SNX29: variants seen among roughly 807,000 people sequenced by gnomAD.
SNX29 encodes sorting nexin 29.
Under a neutral mutation model 102.1 loss-of-function variants are expected in SNX29, and 78 were observed. The observed-to-expected ratio is 0.76, with a 90% CI of 0.64 to 0.92. SNX29 has a LOEUF of 0.92. Ranked by LOEUF, SNX29 falls within the 40% of genes least tolerant of loss-of-function variation. SNX29 has a pLI of 0.00. For missense variants in SNX29, 1,280 were observed against 1,061.7 expected (o/e 1.21, Z -2.86); for synonymous variants, 580 against 414.5 (o/e 1.40, Z -4.85).
chr16:12,489,072 A>G (rs940665797), intron 19 of SNX29, among the ~76,000 whole-genome samples: 11 of 152,272 alleles, frequency 7.2e-5, no homozygotes, highest in African/African-American at 2.2e-4. Context: ...CCCGTATTCT[A>G]TCTGCTTTTG....
chr16:12,271,341 A>C (rs1321527739), intron 14 of SNX29, among the ~76,000 whole-genome samples: 1 of 152,234 alleles, frequency 6.6e-6, no homozygotes, highest in African/African-American at 2.4e-5. Flanking sequence ...GGCTGCGTGC[A>C]TCAGTTCCTT....
At chr16:12,110,211 C>G (rs570606762) in intron 11 of SNX29, among the ~76,000 whole-genome samples, 2 of 152,050 alleles carry the variant, frequency 1.3e-5, no homozygotes, top group Non-Finnish European at 2.9e-5. Context: ...TTCCTGCATC[C>G]CTGCTTGGAG....
rs1306003650 is a variant in SNX29 at position 12,572,673 on chromosome 16, C to T, written c.*4044C>T. On this transcript the variant is annotated 3_prime_UTR_variant, in exon 21 of 21. Transcript: ENST00000566228. ...GCTCCTGTGTGAGCTGCAGCACCCA[C>T]ACGGGGGAAGCCCTGCACTCCAGCA... 66 of 1,063,724 alleles carry T rather than the reference C, an allele frequency of 6.2e-5. No individual in the cohort carries two copies. The highest frequency in any genetic ancestry group is 7.3e-5 in the Non-Finnish European group (64 of 878,304). 65.9% of individuals were successfully genotyped at this position (1,063,724 alleles called of 1,614,324 possible).
intron 7 of SNX29, among the ~76,000 whole-genome samples, chr16:12,050,010 A>G (rs2050239974): frequency 6.6e-6 from 1 of 152,236 alleles, no homozygotes; most frequent in African/African-American, 2.4e-5. Flanking sequence ...ATTCATGGTG[A>G]AAGTGTAGAG....
intron 20 of SNX29, among the ~76,000 whole-genome samples, chr16:12,565,692 G>T (rs150648520): frequency 1.3e-5 from 2 of 151,882 alleles, no homozygotes; most frequent in African/African-American, 4.9e-5. Context: ...TGCCTTCCAG[G>T]AAGGGGAAGC....
At chr16:12,061,388 C>T (rs372567892) in intron 8 of SNX29, 140 bp from the exon 9 acceptor site, 22 of 657,458 alleles carry the variant, frequency 3.3e-5, no homozygotes, top group African/African-American at 2.5e-4. Context: ...CACGCTCTAC[C>T]TCCCAGCCCA....
chr16:11,987,994 C>T (rs1416177427), intron 1 of SNX29, among the ~76,000 whole-genome samples: 1 of 152,124 alleles, frequency 6.6e-6, no homozygotes, highest in Non-Finnish European at 1.5e-5. Context: ...GGGAATTTCA[C>T]TTTAAATGTT....
At chr16:12,542,817 A>T (rs556218429) in intron 20 of SNX29, among the ~76,000 whole-genome samples, 1 of 151,960 alleles carries the variant, frequency 6.6e-6, no homozygotes, top group Non-Finnish European at 1.5e-5. Flanking sequence ...AAGTTAAAGC[A>T]TCCTGTAAGG....
intron 1 of SNX29, among the ~76,000 whole-genome samples, chr16:11,992,478 C>G (rs775937766): frequency 1.3e-5 from 2 of 152,116 alleles, no homozygotes; most frequent in Non-Finnish European, 2.9e-5. Context: ...CTCCCCATCC[C>G]CCTACCACCC....
At chr16:12,377,436 T>C (rs1298128522) in intron 16 of SNX29, among the ~76,000 whole-genome samples, 1 of 152,154 alleles carries the variant, frequency 6.6e-6, no homozygotes, top group Non-Finnish European at 1.5e-5. Context: ...ACCCAGAAAT[T>C]ACATGTCACA....
At chr16:12,421,344 G>A (rs1186244470) in intron 18 of SNX29, among the ~76,000 whole-genome samples, 1 of 152,190 alleles carries the variant, frequency 6.6e-6, no homozygotes, top group African/African-American at 2.4e-5. Context: ...ATTTAGCCAG[G>A]GAGAGAGTAA....
At chr16:12,028,900 C>G (rs2057265211) in intron 4 of SNX29, among the ~76,000 whole-genome samples, 1 of 151,850 alleles carries the variant, frequency 6.6e-6, no homozygotes, top group Non-Finnish European at 1.5e-5. Flanking sequence ...AGGTGCCCAC[C>G]ACCATGCCTG....
chr16:12,048,254 C>G, intron 6 of SNX29, 118 bp from the exon 7 acceptor site: 3 of 1,445,714 alleles, frequency 2.1e-6, no homozygotes, highest in Non-Finnish European at 9.7e-7. Context: ...TATTTTTATA[C>G]CTATTTAAGA....
At chr16:12,396,923 T>C (rs1405989625) in intron 16 of SNX29, among the ~76,000 whole-genome samples, 1 of 152,248 alleles carries the variant, frequency 6.6e-6, no homozygotes, top group Admixed American at 6.5e-5. Context: ...CTTTATTTTT[T>C]TGAAACAGGG....
chr16:12,142,755 G>T (rs950169114), intron 13 of SNX29, among the ~76,000 whole-genome samples: 1 of 151,872 alleles, frequency 6.6e-6, no homozygotes, highest in African/African-American at 2.4e-5. Context: ...TAGTAGAGAC[G>T]GGGTTTCATG....
chr16:12,564,401 C>T (rs908545850), intron 20 of SNX29, among the ~76,000 whole-genome samples: 6 of 151,968 alleles, frequency 3.9e-5, no homozygotes, highest in South Asian at 2.1e-4. Context: ...AAATATGCAT[C>T]AATGATGTAT....
chr16:12,265,803 C>G (rs1328656473), intron 14 of SNX29, among the ~76,000 whole-genome samples: 87 of 151,242 alleles, frequency 5.8e-4, no homozygotes, highest in African/African-American at 2.4e-5. Flanking sequence ...GGTGGAGGAT[C>G]ACCTGAGCCT....
At chr16:12,390,149 G>GGGGGGTGTGTGT (rs55953631) in intron 16 of SNX29, among the ~76,000 whole-genome samples, 1 of 145,588 alleles carries the variant, frequency 6.9e-6, no homozygotes, top group African/African-American at 2.5e-5. Flanking sequence ...GCAATTGAGG[G>GGGGGGTGTGTGT]GTGTGTGTGT....
intron 20 of SNX29, among the ~76,000 whole-genome samples, chr16:12,533,626 C>T (rs541409171): frequency 3.6e-4 from 55 of 152,112 alleles, no homozygotes; most frequent in Non-Finnish European, 6.0e-4. Flanking sequence ...GGACTGACAC[C>T]CCAAATTGGG....
Sources: allele counts gnomAD v4.1 joint callset (sites outside exome capture counted in the v4.1 genomes callset), GRCh38; gene constraint gnomAD v4.1.1; transcripts MANE v1.5; gene names NCBI Gene and HGNC (gene_info 2026-07-23, HGNC 2026-07-21).